ENOX1: variants seen among roughly 807,000 people sequenced by gnomAD.
The protein encoded by ENOX1 is ecto-NOX disulfide-thiol exchanger 1.
A neutral mutation model predicts 82.5 loss-of-function variants in ENOX1; 42 were observed. The ratio of observed to expected loss-of-function variants is 0.51; its 90% CI spans 0.40 to 0.66. ENOX1 has a LOEUF of 0.66. Among genes scored for constraint, ENOX1 ranks in the 30% least tolerant of loss-of-function variants. The pLI is 0.00. For missense variants in ENOX1, 608 were observed against 811.6 expected (o/e 0.75, Z 3.05); for synonymous variants, 271 against 282.2 (o/e 0.96, Z 0.40).
chr13:43,450,840 C>T (rs1186936127), intron 3 of ENOX1, among the ~76,000 whole-genome samples: 2 of 152,028 alleles, frequency 1.3e-5, no homozygotes, highest in Non-Finnish European at 1.5e-5. Context: ...GTTTAGCATC[C>T]CAAGTCCACA....
At chr13:43,247,483 G>A (rs917827672) in intron 14 of ENOX1, among the ~76,000 whole-genome samples, 5 of 152,034 alleles carry the variant, frequency 3.3e-5, no homozygotes, top group Non-Finnish European at 5.9e-5. Flanking sequence ...CAATGGAAGC[G>A]TCAGGAGATT....
intron 3 of ENOX1, among the ~76,000 whole-genome samples, chr13:43,468,494 T>C (rs116660526): frequency 0.01 from 1,540 of 152,046 alleles, 19 homozygotes; most frequent in African/African-American, 0.035. Context: ...AAATTTCTTT[T>C]AAAAAGCCAG....
intron 2 of ENOX1, among the ~76,000 whole-genome samples, chr13:43,560,948 G>T (rs2079641362): frequency 6.6e-6 from 1 of 152,024 alleles, no homozygotes; most frequent in Admixed American, 6.6e-5. Flanking sequence ...ACCACAAAGT[G>T]GTTGCTCCTT....
At chr13:43,511,358 A>G (rs948976793) in intron 2 of ENOX1, among the ~76,000 whole-genome samples, 1 of 152,178 alleles carries the variant, frequency 6.6e-6, no homozygotes, top group Non-Finnish European at 1.5e-5. Context: ...TTAGACAATA[A>G]TTTTATTCAG....
chr13:43,388,162 A>T (rs2052547235), intron 5 of ENOX1, among the ~76,000 whole-genome samples: 2 of 152,216 alleles, frequency 1.3e-5, no homozygotes, highest in Admixed American at 1.3e-4. Context: ...AAGAGACATG[A>T]TCTAAATAGA....
intron 2 of ENOX1, among the ~76,000 whole-genome samples, chr13:43,657,496 T>G (rs2084496932): frequency 6.6e-6 from 1 of 152,190 alleles, no homozygotes; most frequent in South Asian, 2.1e-4. Flanking sequence ...TATAAAGGCA[T>G]GGTCCTCATG....
intron 2 of ENOX1, among the ~76,000 whole-genome samples, chr13:43,486,381 C>CA (rs200960671): frequency 0.024 from 3,521 of 144,648 alleles, 121 homozygotes; most frequent in African/African-American, 0.079. Flanking sequence ...GAGACTCTCT[C>CA]AAAAAAAAAA....
chr13:43,720,664 A>G (rs2088507937), intron 1 of ENOX1, among the ~76,000 whole-genome samples: 1 of 152,180 alleles, frequency 6.6e-6, no homozygotes, highest in African/African-American at 2.4e-5. Context: ...TTTGTAAGTG[A>G]AGCCTGATGG....
chr13:43,247,854 TATATATATATATATATATA>T lies in ENOX1; in HGVS notation c.1612-11135_1612-11117del, dbSNP rs2043184902. 4.3e-3 allele frequency among the ~76,000 whole-genome samples: 20 copies of T among 4,666 alleles called. 1 individual carries two copies. Among genetic ancestry groups the T allele is most frequent in the East Asian group, 0.048 (2 of 42 alleles). The allele number at this position is 4,666 out of a possible 152,430, so 3.1% of individuals were successfully genotyped here. A position where few individuals can be genotyped will look rare whatever the true frequency, so the allele number is the denominator to read the frequency against. ...ATATATATATATATATATATATATA[TATATATATATATATATATA>T]TATATATATATTTTTTTTTTTTTTT... On this transcript the variant is annotated intron_variant, in intron 14 of 16. Coordinates refer to ENST00000690772, the MANE Select transcript of ENOX1 (RefSeq NM_001347969.2).
chr13:43,565,091 A>C (rs1425277067), intron 2 of ENOX1, among the ~76,000 whole-genome samples: 1 of 152,148 alleles, frequency 6.6e-6, no homozygotes, highest in Non-Finnish European at 1.5e-5. Context: ...AGATTACTTG[A>C]GACAGTGGAA....
intron 8 of ENOX1, among the ~76,000 whole-genome samples, chr13:43,348,250 G>T (rs34079236): frequency 1.3e-5 from 2 of 152,148 alleles, no homozygotes; most frequent in East Asian, 1.9e-4. Flanking sequence ...ACAATTCCCC[G>T]CATATCCTGC....
At chr13:43,427,227 C>T (rs908208505) in intron 3 of ENOX1, among the ~76,000 whole-genome samples, 2 of 152,174 alleles carry the variant, frequency 1.3e-5, no homozygotes, top group Non-Finnish European at 2.9e-5. Context: ...CCAACACACT[C>T]CCCAGATGGA....
intron 2 of ENOX1, among the ~76,000 whole-genome samples, chr13:43,637,233 T>G (rs903968684): frequency 5.9e-5 from 9 of 152,174 alleles, no homozygotes; most frequent in African/African-American, 2.2e-4. Context: ...GACACAACAC[T>G]CATAGCTTAG....
chr13:43,381,465 A>G (rs1328154729), intron 5 of ENOX1, among the ~76,000 whole-genome samples: 2 of 94,368 alleles, frequency 2.1e-5, no homozygotes, highest in East Asian at 6.4e-4. Flanking sequence ...CATGGCTTCT[A>G]TCTTATAAAA....
At chr13:43,620,358 T>G (rs1213129574) in intron 2 of ENOX1, among the ~76,000 whole-genome samples, 1 of 152,172 alleles carries the variant, frequency 6.6e-6, no homozygotes, top group East Asian at 1.9e-4. Flanking sequence ...TTTGTGCTCT[T>G]TCAGTCTTTT....
chr13:43,287,857 C>T (rs1189959051), intron 12 of ENOX1, among the ~76,000 whole-genome samples: 1 of 152,194 alleles, frequency 6.6e-6, no homozygotes, highest in Non-Finnish European at 1.5e-5. Context: ...ATGTAAAGCC[C>T]TGGGCCGAGA....
At chr13:43,567,573 ATAAT>A (rs1345320141) in intron 2 of ENOX1, among the ~76,000 whole-genome samples, 2 of 152,202 alleles carry the variant, frequency 1.3e-5, no homozygotes, top group African/African-American at 4.8e-5. Flanking sequence ...ATGTGGCTTG[ATAAT>A]TAATTAATCT....
At chr13:43,426,337 A>G (rs1455649991) in intron 3 of ENOX1, among the ~76,000 whole-genome samples, 1 of 152,168 alleles carries the variant, frequency 6.6e-6, no homozygotes, top group East Asian at 1.9e-4. Flanking sequence ...TTTAGGTTTT[A>G]TTATTTATAA....
chr13:43,222,511 G>T (rs1437244761), intron 16 of ENOX1, among the ~76,000 whole-genome samples: 3 of 152,166 alleles, frequency 2.0e-5, no homozygotes, highest in Non-Finnish European at 2.9e-5. Context: ...CAAGTGGATT[G>T]TTGGCCATTT....
Sources: gnomAD v4.1 joint callset for allele counts (sites outside exome capture counted in the v4.1 genomes callset) on GRCh38, gnomAD v4.1.1 for gene constraint, MANE v1.5 for transcripts, NCBI Gene and HGNC (gene_info 2026-07-23, HGNC 2026-07-21) for gene names.